The following MCM8 variants were observed in gnomAD, a reference collection of about 807,000 sequenced individuals.
MCM8 encodes minichromosome maintenance 8 homologous recombination repair factor, also known as DNA helicase MCM8.
A neutral mutation model predicts 98.9 loss-of-function variants in MCM8; 85 were observed. The observed-to-expected ratio is 0.86, with a 90% CI of 0.72 to 1.03. The LOEUF is 1.03. MCM8 is among the 50% of genes least tolerant of loss of function. The pLI, the probability that MCM8 is intolerant of heterozygous loss-of-function variation, is 0.00. For missense variants in MCM8, 951 were observed against 997.8 expected (o/e 0.95, Z 0.63); for synonymous variants, 352 against 338.6 (o/e 1.04, Z -0.44).
chr20:5,968,155 C>T, intron 10 of MCM8, 130 bp downstream of exon 10: 1 of 617,440 alleles, frequency 1.6e-6, no homozygotes, highest in Middle Eastern at 4.0e-4. Flanking sequence ...GTACTCCATC[C>T]CCTTGAGTAT....
Position 5,986,806 on chromosome 20 carries a change from T to C in MCM8, c.2164-476T>C, listed in dbSNP as rs377510663. On this transcript the variant is annotated intron_variant, in intron 16 of 18. Transcript: ENST00000610722. ...TATTTTAAGTGAGTTGTAATTTTCA[T>C]AGTCAAGGTTTCACAGATTTTTTTT... 2.5e-4 allele frequency among the ~76,000 whole-genome samples: 38 copies of C among 152,286 alleles called. No homozygotes were observed. The East Asian group carries it at 2.7e-3, about 11-fold the overall frequency.
chr20:5,976,437 C>A lies in MCM8; in HGVS notation c.1396-1439C>A, dbSNP rs2089513108. Among the ~76,000 whole-genome samples, 3 of 152,080 alleles carry A rather than the reference C, an allele frequency of 2.0e-5. No individual in the cohort carries two copies. In the South Asian group the frequency reaches 6.3e-4, roughly 32 times the overall value. ...AGCTCACGCCCAAAATTCTCTCAGC[C>A]CCGAGGAAGGGGCTAGTTTTGTTTT... is the stretch of plus-strand genomic sequence containing the variant. On this transcript the variant is annotated intron_variant, in intron 12 of 18. Transcript: ENST00000610722.
chr20:5,990,990 G>A (rs1161010733), intron 17 of MCM8: 1 of 152,204 alleles, frequency 6.6e-6, no homozygotes, highest in Non-Finnish European at 1.5e-5. Context: ...TCTCCTGAAT[G>A]TCATGTTTCT....
intron 13 of MCM8, among the ~76,000 whole-genome samples, chr20:5,980,910 T>C (rs55981541): frequency 0.023 from 3,551 of 152,076 alleles, 129 homozygotes; most frequent in African/African-American, 0.076. Flanking sequence ...GTTTATGTTT[T>C]ATGCTTTAAA....
rs1346644131 is a variant in MCM8, at chr20:5,985,018, C to T, written c.1953+18C>T. On this transcript the variant is annotated intron_variant, in intron 15 of 18. Coordinates refer to ENST00000610722, the MANE Select transcript of MCM8 (RefSeq NM_032485.6). ...GACTAAAGGTATAAATGTTTCTTCT[C>T]CTTATTCAGTTTGGTTCTGTTTGAA... The T allele has an allele frequency of 6.3e-7, 1 of 1,595,354 alleles. No homozygotes were observed. Among genetic ancestry groups the T allele is most frequent in the Non-Finnish European group, 8.6e-7 (1 of 1,164,176 alleles).
At chr20:5,985,882 A>G (rs1307938942) in intron 15 of MCM8, 40 bp from the exon 16 acceptor site, 2 of 1,593,550 alleles carry the variant, frequency 1.3e-6, no homozygotes, top group Admixed American at 1.7e-5. Flanking sequence ...TTTATTTGCT[A>G]CTTATCCTTG....
At chr20:5,955,371 T>A in intron 5 of MCM8, 120 bp downstream of exon 5, 5 of 941,858 alleles carry the variant, frequency 5.3e-6, no homozygotes, top group Non-Finnish European at 7.8e-6. Flanking sequence ...TAAGAGATAC[T>A]TAGCTTTTAC....
At chr20:5,963,070 A>G (rs2122697404) in intron 7 of MCM8, among the ~76,000 whole-genome samples, 2 of 152,348 alleles carry the variant, frequency 1.3e-5, no homozygotes, top group South Asian at 4.1e-4. Flanking sequence ...AGAAGGATCA[A>G]TTGGAAAGTG....
At chr20:5,965,887 C>T (rs774011649) in intron 8 of MCM8, among the ~76,000 whole-genome samples, 6 of 151,968 alleles carry the variant, frequency 3.9e-5, no homozygotes, top group Non-Finnish European at 7.4e-5. Flanking sequence ...AAAAAACACA[C>T]CTTCCTTCTG....
chr20:5,968,603 C>T (rs2089331409), intron 10 of MCM8, among the ~76,000 whole-genome samples: 1 of 152,144 alleles, frequency 6.6e-6, no homozygotes, highest in South Asian at 2.1e-4. Flanking sequence ...GGAACATAGC[C>T]ACACTCATTC....
In MCM8 at chr20:5,957,332, G is replaced by A. The variant is rs374488426; in HGVS notation, c.590+103G>A. The A allele has an allele frequency of 1.0e-4, 74 of 728,504 alleles. No homozygotes were observed. In the East Asian group the frequency reaches 1.3e-3, roughly 13 times the overall value. 45.1% of individuals were successfully genotyped at this position (728,504 alleles called of 1,614,324 possible). A position where few individuals can be genotyped will look rare whatever the true frequency, so the allele number is the denominator to read the frequency against. On this transcript the variant is annotated intron_variant, in intron 6 of 18. Coordinates refer to ENST00000610722, the MANE Select transcript of MCM8 (RefSeq NM_032485.6). ...TAAAAATGAGGAAATCAGTAAAAAG[G>A]ACATGAGTTCCTTGCCATCTCATTG...
intron 12 of MCM8, among the ~76,000 whole-genome samples, chr20:5,975,994 A>G (rs2089503643): frequency 6.6e-6 from 1 of 152,248 alleles, no homozygotes; most frequent in African/African-American, 2.4e-5. Context: ...TATGGCATGT[A>G]AGCCACACTA....
At position 5,967,455 on chromosome 20, in the gene MCM8, G is replaced by A. The variant is rs2089298386; in HGVS notation, c.895G>A (p.Asp299Asn). ...QSIKIQELMSDDQREAGRIPR... is the reference protein window; with the variant it reads ...QSIKIQELMSNDQREAGRIPR... Reference sequence around the variant, plus strand: ...TTTTAGAATCCAGGAATTGATGTCTGATGATCAGAGAGAAGCAGGTCGGAT... The same window carrying A: ...TTTTAGAATCCAGGAATTGATGTCTAATGATCAGAGAGAAGCAGGTCGGAT... The change falls in exon 9 of 19, where the codon GAT becomes AAT. Residue 299 changes from aspartate (D) to asparagine (N), a missense_variant. Transcript: ENST00000610722. 1 of 1,613,706 alleles carries A rather than the reference G, an allele frequency of 6.2e-7. No homozygotes were observed. The highest frequency in any genetic ancestry group is 1.1e-5 in the South Asian group (1 of 90,942).
chr20:5,984,724 T>C lies in MCM8; in HGVS notation c.1734-57T>C. On this transcript the variant is annotated intron_variant, in intron 14 of 18. Transcript: ENST00000610722. ...GTAGTAAATAAGTGAGTAGACAGTT[T>C]TCTAGTTTTTCCTTTTGATTCCAAT... The C allele has an allele frequency of 5.0e-6, 7 of 1,411,412 alleles. No individual in the cohort carries two copies. In the South Asian group the frequency reaches 8.6e-5, roughly 17 times the overall value. 87.4% of individuals were successfully genotyped at this position (1,411,412 alleles called of 1,614,324 possible).
intron 10 of MCM8, among the ~76,000 whole-genome samples, chr20:5,970,588 G>A (rs756349021): frequency 6.6e-6 from 1 of 152,192 alleles, no homozygotes; most frequent in Non-Finnish European, 1.5e-5. Flanking sequence ...TGTGGCCATA[G>A]AAAGGTCTTT....
At chr20:5,952,313 C>T (rs2088852264) in intron 2 of MCM8, 111 bp from the exon 3 acceptor site, 4 of 1,550,382 alleles carry the variant, frequency 2.6e-6, no homozygotes, top group South Asian at 2.4e-5. Flanking sequence ...CAGATTTTTA[C>T]TAAAACCCCT....
At chr20:5,966,334 ATTTGT>A (rs1245490524) in intron 8 of MCM8, among the ~76,000 whole-genome samples, 1 of 151,848 alleles carries the variant, frequency 6.6e-6, no homozygotes, top group African/African-American at 2.4e-5. Context: ...TGCTTGGATT[ATTTGT>A]TTTAAGTTTT....
intron 17 of MCM8, among the ~76,000 whole-genome samples, chr20:5,987,766 A>C (rs1794000079): frequency 6.6e-6 from 1 of 151,878 alleles, no homozygotes; most frequent in African/African-American, 2.4e-5. Flanking sequence ...GTGTAGATAT[A>C]CTATATAGTA....
Position 5,983,048 on chromosome 20 carries a change from T to C in MCM8, c.1616T>C (p.Ile539Thr). Residue 539 changes from isoleucine (I) to threonine (T), a missense_variant, in exon 14 of 19, where the codon ATT becomes ACT. Transcript: ENST00000610722. ...TTGGAAGCCATGGAGCAGCAAAGTA[T>C]TAGTCTTGCTAAGGCTGGTGTGGTT... The part of the protein sequence containing the change: ...ALLEAMEQQS[I>T]SLAKAGVVCS... 1 of 1,614,172 alleles carries C rather than the reference T, an allele frequency of 6.2e-7. No homozygotes were observed. Among genetic ancestry groups the C allele is most frequent in the South Asian group, 1.1e-5 (1 of 91,082 alleles).
Sources: gnomAD v4.1 joint callset for allele counts (sites outside exome capture counted in the v4.1 genomes callset) on GRCh38, gnomAD v4.1.1 for gene constraint, MANE v1.5 for transcripts, NCBI Gene and HGNC (gene_info 2026-07-23, HGNC 2026-07-21) for gene names.